The following CDH13 variants were observed in gnomAD, a reference collection of about 807,000 sequenced individuals.
CDH13 encodes cadherin 13, also known as cadherin-13.
CDH13 carries 24 observed loss-of-function variants against 63.8 expected under a neutral mutation model. That is an observed-to-expected ratio of 0.38 (90% CI 0.27 to 0.53). The LOEUF is 0.53. Ranked by LOEUF, CDH13 falls within the 20% of genes least tolerant of loss-of-function variation. CDH13 has a pLI of 0.85. For synonymous variants in CDH13, 503 were observed against 355.3 expected (o/e 1.42, Z -4.67); for missense variants, 1,049 against 903.1 (o/e 1.16, Z -2.07).
intron 4 of CDH13, among the ~76,000 whole-genome samples, chr16:83,164,566 C>A (rs2037581271): frequency 6.6e-6 from 1 of 151,976 alleles, no homozygotes; most frequent in Middle Eastern, 3.4e-3. Context: ...ACTAAAAATA[C>A]AGAAATTAGC....
chr16:83,590,468 G>A (rs780813053), intron 7 of CDH13, among the ~76,000 whole-genome samples: 1 of 152,176 alleles, frequency 6.6e-6, no homozygotes, highest in Non-Finnish European at 1.5e-5. Flanking sequence ...CCAGGTTGTG[G>A]GGAAGATGGG....
chr16:82,713,736 C>T lies in CDH13; in HGVS notation c.45+86599C>T, dbSNP rs940248111. On this transcript the variant is annotated intron_variant, in intron 1 of 13. Coordinates refer to ENST00000567109, the MANE Select transcript of CDH13 (RefSeq NM_001257.5). ...ATATTAGGTGGCCTAGTGCATGTTTCACCTAGGTCTCTGACTAATTCTATG... is the reference window on the plus strand; with the variant it reads ...ATATTAGGTGGCCTAGTGCATGTTTTACCTAGGTCTCTGACTAATTCTATG... Among the ~76,000 whole-genome samples, 7 of 149,812 alleles carry T rather than the reference C, an allele frequency of 4.7e-5. No individual in the cohort carries two copies. The East Asian group carries it at 1.4e-3, about 30-fold the overall frequency.
At chr16:83,447,900 A>T (rs1357567073) in intron 6 of CDH13, among the ~76,000 whole-genome samples, 1 of 151,830 alleles carries the variant, frequency 6.6e-6, no homozygotes, top group African/African-American at 2.4e-5. Flanking sequence ...GATGTGATTC[A>T]CTCTGTGGTC....
At chr16:82,735,014 A>G (rs1401551476) in intron 1 of CDH13, among the ~76,000 whole-genome samples, 1 of 152,208 alleles carries the variant, frequency 6.6e-6, no homozygotes, top group Non-Finnish European at 1.5e-5. Context: ...CCGGAAATCT[A>G]ACTGAGAGAT....
rs1331624157 is a variant in CDH13, at chr16:83,136,139, C to T, written c.483+10638C>T. Among the ~76,000 whole-genome samples, 4 of 150,586 alleles carry T rather than the reference C, an allele frequency of 2.7e-5. No individual in the cohort carries two copies. The South Asian group carries it at 6.3e-4, about 24-fold the overall frequency. On this transcript the variant is annotated intron_variant, in intron 4 of 13. Coordinates refer to ENST00000567109, the MANE Select transcript of CDH13 (RefSeq NM_001257.5). ...CCACTAAAGAACTTATTCATGTAAC[C>T]AAACACCACCTGTACCCCAACAACC...
At chr16:83,407,982 C>T (rs1223607349) in intron 6 of CDH13, among the ~76,000 whole-genome samples, 1 of 152,118 alleles carries the variant, frequency 6.6e-6, no homozygotes, top group Non-Finnish European at 1.5e-5. Context: ...CCAGTCATTC[C>T]TTGGGTCATC....
chr16:83,302,095 G>C (rs746635711), intron 5 of CDH13, among the ~76,000 whole-genome samples: 45 of 152,168 alleles, frequency 3.0e-4, no homozygotes, highest in Non-Finnish European at 5.3e-4. Flanking sequence ...GTTGTTGTGA[G>C]TACTACGTGA....
intron 2 of CDH13, among the ~76,000 whole-genome samples, chr16:82,869,148 G>A (rs995854756): frequency 2.6e-5 from 4 of 152,164 alleles, no homozygotes; most frequent in Non-Finnish European, 5.9e-5. Flanking sequence ...CTGGGTTCAA[G>A]CTATTCTCAT....
intron 3 of CDH13, among the ~76,000 whole-genome samples, chr16:83,117,436 G>A (rs1219139331): frequency 6.6e-6 from 1 of 151,834 alleles, no homozygotes; most frequent in East Asian, 1.9e-4. Context: ...TTGCCTCCCT[G>A]TCTAAAACAT....
chr16:83,132,530 G>A (rs993075303), intron 4 of CDH13, among the ~76,000 whole-genome samples: 11 of 135,328 alleles, frequency 8.1e-5, no homozygotes, highest in South Asian at 2.3e-4. Context: ...TCACTGCAAC[G>A]TCCGCCTCCC....
intron 7 of CDH13, among the ~76,000 whole-genome samples, chr16:83,541,714 G>T (rs1232627985): frequency 6.6e-6 from 1 of 152,200 alleles, no homozygotes; most frequent in Non-Finnish European, 1.5e-5. Context: ...GAAATTCATG[G>T]TTGGTTTTTA....
rs142452464 is a variant in CDH13 at position 82,806,526 on chromosome 16, T to C, written c.46-51836T>C. Among the ~76,000 whole-genome samples the C allele has an allele frequency of 2.8e-3, 432 of 152,354 alleles. 3 individuals carry two copies. The highest frequency in any genetic ancestry group is 9.7e-3 in the African/African-American group (405 of 41,582). ...GTTTTGTTTTGTTTTTGTAACATTA[T>C]CTCTCTCCTGAGGCAATTAAACAGA... is the stretch of plus-strand genomic sequence containing the variant. On this transcript the variant is annotated intron_variant, in intron 1 of 13. Coordinates refer to ENST00000567109, the MANE Select transcript of CDH13 (RefSeq NM_001257.5).
At chr16:83,353,409 T>A (rs1464327486) in intron 6 of CDH13, among the ~76,000 whole-genome samples, 1 of 151,996 alleles carries the variant, frequency 6.6e-6, no homozygotes, top group Non-Finnish European at 1.5e-5. Flanking sequence ...CCCGCCCTGA[T>A]GGGCACCATT....
At chr16:82,829,818 A>G (rs2038445008) in intron 1 of CDH13, among the ~76,000 whole-genome samples, 1 of 152,198 alleles carries the variant, frequency 6.6e-6, no homozygotes, top group African/African-American at 2.4e-5. Flanking sequence ...TTGAATGTGT[A>G]AGCAATAATC....
At chr16:83,076,918 C>G (rs557669855) in intron 3 of CDH13, among the ~76,000 whole-genome samples, 17 of 151,492 alleles carry the variant, frequency 1.1e-4, no homozygotes, top group African/African-American at 3.9e-4. Context: ...TGGCAAAAAC[C>G]GCAATTACTT....
chr16:82,901,203 C>G (rs959089237), intron 2 of CDH13, among the ~76,000 whole-genome samples: 9 of 151,964 alleles, frequency 5.9e-5, no homozygotes, highest in African/African-American at 2.2e-4. Flanking sequence ...ACACTGTCTT[C>G]TTGCTCTCAT....
chr16:82,972,967 A>G (rs1461470370), intron 2 of CDH13, among the ~76,000 whole-genome samples: 1 of 152,134 alleles, frequency 6.6e-6, no homozygotes, highest in East Asian at 1.9e-4. Context: ...GTTCAAAACC[A>G]TTACTTTAAT....
chr16:83,191,522 CACACACACAT>C (rs1463813876), intron 4 of CDH13, among the ~76,000 whole-genome samples: 6 of 90,024 alleles, frequency 6.7e-5, no homozygotes, highest in African/African-American at 2.5e-4. Flanking sequence ...CACACACACA[CACACACACAT>C]ATATATATAT....
chr16:83,090,311 C>T (rs1173145633), intron 3 of CDH13, among the ~76,000 whole-genome samples: 2 of 152,146 alleles, frequency 1.3e-5, no homozygotes, highest in Non-Finnish European at 2.9e-5. Context: ...CACGGTGGCT[C>T]ATGCCTGTAA....
Sources: gnomAD v4.1 joint callset for allele counts (sites outside exome capture counted in the v4.1 genomes callset) on GRCh38, gnomAD v4.1.1 for gene constraint, MANE v1.5 for transcripts, NCBI Gene and HGNC (gene_info 2026-07-23, HGNC 2026-07-21) for gene names.